Variants in DHRS1 observed in about 807,000 individuals in gnomAD.
DHRS1 encodes dehydrogenase/reductase 1, also known as dehydrogenase/reductase SDR family member 1.
Under a neutral mutation model 35.2 loss-of-function variants are expected in DHRS1, and 34 were observed. The observed-to-expected ratio is 0.97, with a 90% CI of 0.74 to 1.29. The LOEUF is 1.29. DHRS1 is among the 50% of genes most tolerant of loss of function. DHRS1 has a pLI of 0.00. For missense variants in DHRS1, 354 were observed against 403.6 expected (o/e 0.88, Z 1.05); for synonymous variants, 133 against 160.0 (o/e 0.83, Z 1.27).
intron 6 of DHRS1, 86 bp downstream of exon 6, chr14:24,292,098 G>C: frequency 6.5e-7 from 1 of 1,535,742 alleles, no homozygotes; most frequent in Non-Finnish European, 9.0e-7. Flanking sequence ...GTAAGCACCT[G>C]GTGAGTGGGA....
At position 24,296,528 on chromosome 14, in the gene DHRS1, TATC is replaced by T. The variant is rs759960393; in HGVS notation, c.352_354del (p.Asp118del). 2.8e-5 allele frequency: 45 copies of T among 1,614,084 alleles called. No homozygotes were observed. The highest frequency in any genetic ancestry group is 3.7e-5 in the Non-Finnish European group (44 of 1,180,046). ...ACCCACCTGAGTCCGACGTTGTTGA[TATC>T]ATCCCACATGGAGGCAGGGGTTTCC... On this transcript the variant is annotated inframe_deletion, in exon 4 of 9. Transcript: ENST00000288111.
In DHRS1 at chr14:24,297,002, A is replaced by G. The variant is rs1460998194; in HGVS notation, c.151-121T>C. On this transcript the variant is annotated intron_variant, in intron 2 of 8. Coordinates refer to ENST00000288111, the MANE Select transcript of DHRS1 (RefSeq NM_001136050.3). ...AATCAATCCTAGGAGAGCCTGCTGC[A>G]GAGGCAACATGGCAGGCAACGCTGC... 5 of 1,382,220 alleles carry G rather than the reference A, an allele frequency of 3.6e-6. No homozygotes were observed. The East Asian group carries it at 7.2e-5, about 20-fold the overall frequency. 85.6% of individuals were successfully genotyped at this position (1,382,220 alleles called of 1,614,324 possible). A position where few individuals can be genotyped will look rare whatever the true frequency, so the allele number is the denominator to read the frequency against.
In DHRS1 at chr14:24,290,783, C is replaced by T. The variant is rs2041144193; in HGVS notation, c.*76G>A. 2 of 1,568,682 alleles carry T rather than the reference C, an allele frequency of 1.3e-6. No individual in the cohort carries two copies. The highest frequency in any genetic ancestry group is 2.2e-5 in the East Asian group (1 of 44,546). On this transcript the variant is annotated 3_prime_UTR_variant, in exon 9 of 9. Transcript: ENST00000288111. ...GGGTATGGGTAAACAAGAAAGGCTG[C>T]TGTTTCACTGAGACAGGACGAACCA... is the stretch of plus-strand genomic sequence containing the variant.
At chr14:24,292,433 C>A in intron 5 of DHRS1, 103 bp from the exon 6 acceptor site, 1 of 1,538,484 alleles carries the variant, frequency 6.5e-7, no homozygotes, top group Admixed American at 1.9e-5. Context: ...CCTGTCCTTC[C>A]CAGGAGCCCC....
intron 1 of DHRS1, chr14:24,299,351 A>G (rs1004380258): frequency 6.4e-5 from 32 of 501,618 alleles, no homozygotes; most frequent in African/African-American, 5.8e-4. Flanking sequence ...GCTGAGTGGG[A>G]CTGTCCAGAG....
chr14:24,298,054 ATT>A (rs879290154), intron 2 of DHRS1, among the ~76,000 whole-genome samples: 1 of 148,352 alleles, frequency 6.7e-6, no homozygotes, highest in African/African-American at 2.5e-5. Flanking sequence ...TTTAATTAAA[ATT>A]TTTTTTTTTA....
chr14:24,296,474 T>G (rs371691596), intron 4 of DHRS1, 35 bp downstream of exon 4: 391 of 1,608,834 alleles, frequency 2.4e-4, no homozygotes, highest in Non-Finnish European at 3.1e-4. Flanking sequence ...GCTAAGTGAG[T>G]GAGGGAACAT....
chr14:24,292,441 C>T, intron 5 of DHRS1, 111 bp from the exon 6 acceptor site: 2 of 1,521,872 alleles, frequency 1.3e-6, no homozygotes, highest in Admixed American at 1.9e-5. Flanking sequence ...TCCCAGGAGC[C>T]CCAAGGTCTC....
intron 7 of DHRS1, 98 bp from the exon 8 acceptor site, chr14:24,291,317 G>T: frequency 1.5e-6 from 2 of 1,298,102 alleles, no homozygotes; most frequent in Non-Finnish European, 2.2e-6. Context: ...GAGCCCTGGA[G>T]CTCAGGATCC....
chr14:24,296,211 A>G (rs1234708592), intron 4 of DHRS1, among the ~76,000 whole-genome samples: 1 of 152,214 alleles, frequency 6.6e-6, no homozygotes, highest in African/African-American at 2.4e-5. Flanking sequence ...GGCTGTGCGC[A>G]TTACTGAGAG....
intron 7 of DHRS1, 138 bp from the exon 8 acceptor site, chr14:24,291,357 C>A: frequency 9.0e-7 from 1 of 1,114,628 alleles, no homozygotes; most frequent in South Asian, 1.3e-5. Flanking sequence ...GGGCCTTGGA[C>A]TTTTTCCACA....
chr14:24,290,636 T>G lies in DHRS1; in HGVS notation c.*223A>C. The G allele has an allele frequency of 3.9e-6, 2 of 510,594 alleles. No homozygotes were observed. Among genetic ancestry groups the G allele is most frequent in the Non-Finnish European group, 6.9e-6 (2 of 287,992 alleles). The allele number at this position is 510,594 out of a possible 1,614,324, so 31.6% of individuals were successfully genotyped here. A position where few individuals can be genotyped will look rare whatever the true frequency, so the allele number is the denominator to read the frequency against. The stretch of plus-strand genomic sequence containing the variant: ...GAGACTTTTATTAGCTCCAAGAGCA[T>G]TTTTCAATACTAAGGCAAAAAGTAA... On this transcript the variant is annotated 3_prime_UTR_variant, in exon 9 of 9. Transcript: ENST00000288111.
At chr14:24,295,086 C>T (rs2041227073) in intron 4 of DHRS1, among the ~76,000 whole-genome samples, 1 of 152,000 alleles carries the variant, frequency 6.6e-6, no homozygotes, top group African/African-American at 2.4e-5. Context: ...AGTACATATT[C>T]TTTGATCTAA....
chr14:24,298,862 T>G lies in DHRS1; in HGVS notation c.150+95A>C, dbSNP rs189178322. On this transcript the variant is annotated intron_variant, in intron 2 of 8. Coordinates refer to ENST00000288111, the MANE Select transcript of DHRS1 (RefSeq NM_001136050.3). ...AATATTCACATCTTGTTGAGTAGTA[T>G]TATAGTTTCAGGTAAGGGATTAGGA... 842 of 1,343,018 alleles carry G rather than the reference T, an allele frequency of 6.3e-4. 1 individual carries two copies. Among genetic ancestry groups the G allele is most frequent in the South Asian group, 2.4e-3 (168 of 68,848 alleles). The allele number at this position is 1,343,018 out of a possible 1,614,324, so 83.2% of individuals were successfully genotyped here.
chr14:24,295,673 A>G (rs910337497), intron 4 of DHRS1, among the ~76,000 whole-genome samples: 1 of 152,192 alleles, frequency 6.6e-6, no homozygotes, highest in Non-Finnish European at 1.5e-5. Flanking sequence ...ACACTGGCCA[A>G]TTTCCAGCTC....
chr14:24,291,808 G>A (rs906490718), intron 6 of DHRS1, 183 bp from the exon 7 acceptor site: 2 of 652,742 alleles, frequency 3.1e-6, no homozygotes, highest in Non-Finnish European at 5.4e-6. Flanking sequence ...CCACATCCAG[G>A]TGAGCCCTGT....
chr14:24,298,973 C>T lies in DHRS1; in HGVS notation c.134G>A (p.Arg45His), dbSNP rs369406238. ...YITGRHLDTL[R>H]VVAQEAQSLG... The stretch of plus-strand genomic sequence containing the variant: ...AGCACTCACCTCCTGAGCAACAACG[C>T]GAAGGGTGTCCAGATGGCGGCCAGT... Residue 45 changes from arginine to histidine, a missense_variant, in exon 2 of 9, where the codon CGC (arginine) becomes CAC (histidine). Arg to His is a conservative substitution (Grantham distance 29). Coordinates refer to ENST00000288111, the MANE Select transcript of DHRS1 (RefSeq NM_001136050.3). 76 of 1,611,538 alleles carry T rather than the reference C, an allele frequency of 4.7e-5. No homozygotes were observed. Among genetic ancestry groups the T allele is most frequent in the Non-Finnish European group, 6.1e-5 (72 of 1,178,056 alleles).
intron 6 of DHRS1, 24 bp downstream of exon 6, chr14:24,292,160 T>G: frequency 1.2e-6 from 2 of 1,614,002 alleles, no homozygotes; most frequent in South Asian, 2.2e-5. Flanking sequence ...TGTTCTCTGC[T>G]TCCTTCGCCC....
At position 24,292,474 on chromosome 14, in the gene DHRS1, G is replaced by A. The variant is rs574969945; in HGVS notation, c.508-144C>T. On this transcript the variant is annotated intron_variant, in intron 5 of 8. Coordinates refer to ENST00000288111, the MANE Select transcript of DHRS1 (RefSeq NM_001136050.3). ...CTCAGCTGCCCACGCTCCCCAGTGT[G>A]ATGCCTACTCTAGCCAACCAAGAGG... The A allele has an allele frequency of 8.8e-6, 13 of 1,473,016 alleles. No individual in the cohort carries two copies. In the South Asian group the frequency reaches 1.4e-4, roughly 16 times the overall value. 91.2% of individuals were successfully genotyped at this position (1,473,016 alleles called of 1,614,324 possible).
Sources: gnomAD v4.1 joint callset for allele counts (sites outside exome capture counted in the v4.1 genomes callset) on GRCh38, gnomAD v4.1.1 for gene constraint, MANE v1.5 for transcripts, NCBI Gene and HGNC (gene_info 2026-07-23, HGNC 2026-07-21) for gene names.